The following PRTFDC1 variants were observed in gnomAD, a reference collection of about 807,000 sequenced individuals.
PRTFDC1 encodes the protein phosphoribosyl transferase domain containing 1.
Under a neutral mutation model 34.6 loss-of-function variants are expected in PRTFDC1, and 38 were observed. The observed-to-expected ratio is 1.10, with a 90% CI of 0.85 to 1.44. The LOEUF is 1.44. Among genes scored for constraint, PRTFDC1 ranks in the 40% most tolerant of loss-of-function variants. The pLI, the probability that PRTFDC1 is intolerant of heterozygous loss-of-function variation, is 0.00. For missense variants in PRTFDC1, 270 were observed against 283.0 expected (o/e 0.95, Z 0.33); for synonymous variants, 93 against 98.1 (o/e 0.95, Z 0.31).
intron 4 of PRTFDC1, among the ~76,000 whole-genome samples, chr10:24,862,153 T>TCA (rs1847689831): frequency 6.6e-6 from 1 of 152,144 alleles, no homozygotes; most frequent in Non-Finnish European, 1.5e-5. Flanking sequence ...ATTAAAGGTA[T>TCA]CATGAATTCT....
In PRTFDC1 at chr10:24,855,383, T is replaced by C; in HGVS notation, c.507-19A>G. 6.2e-7 allele frequency: 1 copy of C among 1,613,750 alleles called. No individual in the cohort carries two copies. On this transcript the variant is annotated intron_variant, in intron 6 of 8. Coordinates refer to ENST00000320152, the MANE Select transcript of PRTFDC1 (RefSeq NM_020200.7). The stretch of plus-strand genomic sequence containing the variant: ...CAACAAACTACCATTAAAAAAGACA[T>C]GCTTTAGTGAACCCAATCAAATCTC...
chr10:24,891,002 G>A (rs1003851523), intron 3 of PRTFDC1, among the ~76,000 whole-genome samples: 1 of 152,330 alleles, frequency 6.6e-6, no homozygotes, highest in East Asian at 1.9e-4. Context: ...GTGGATGCAA[G>A]GGAGGACCCA....
At chr10:24,895,014 C>G (rs2132544116) in intron 3 of PRTFDC1, among the ~76,000 whole-genome samples, 1 of 152,174 alleles carries the variant, frequency 6.6e-6, no homozygotes, top group South Asian at 2.1e-4. Context: ...GGCTTGGCTT[C>G]CCAGACAGGT....
chr10:24,894,348 AG>A (rs1255607814), intron 3 of PRTFDC1, among the ~76,000 whole-genome samples: 2,737 of 144,224 alleles, frequency 0.019, 73 homozygotes, highest in African/African-American at 0.069. Flanking sequence ...AAAAAAAAAA[AG>A]AGAGAGAAAA....
At chr10:24,911,964 G>T (rs1286861129) in intron 3 of PRTFDC1, among the ~76,000 whole-genome samples, 1 of 151,316 alleles carries the variant, frequency 6.6e-6, no homozygotes, top group Non-Finnish European at 1.5e-5. Context: ...GATAAGTGTG[G>T]GTTTACTTTA....
At chr10:24,878,133 C>T (rs1010218780) in intron 3 of PRTFDC1, among the ~76,000 whole-genome samples, 6 of 151,876 alleles carry the variant, frequency 4.0e-5, no homozygotes, top group Admixed American at 2.0e-4. Context: ...AGTAGCCTGG[C>T]GTGGTGGCGA....
intron 5 of PRTFDC1, among the ~76,000 whole-genome samples, chr10:24,857,322 C>A (rs1232867279): frequency 6.6e-6 from 1 of 152,110 alleles, no homozygotes; most frequent in African/African-American, 2.4e-5. Flanking sequence ...CTAAATTTGG[C>A]CCTGAGTTTA....
In PRTFDC1 at chr10:24,879,777, T is replaced by C. The variant is rs973861497; in HGVS notation, c.340-7714A>G. ...TTGCCTTTTATCAAATGGCAAGGAC[T>C]GCAATTACTTTTGCACCAACCTAAT... On this transcript the variant is annotated intron_variant, in intron 3 of 8. Transcript: ENST00000320152. 2.0e-5 allele frequency among the ~76,000 whole-genome samples: 3 copies of C among 152,354 alleles called. No homozygotes were observed. The South Asian group carries it at 6.2e-4, about 32-fold the overall frequency.
chr10:24,887,888 G>A (rs1377196973), intron 3 of PRTFDC1, among the ~76,000 whole-genome samples: 2 of 151,852 alleles, frequency 1.3e-5, no homozygotes, highest in Non-Finnish European at 2.9e-5. Context: ...CTTGTTCACT[G>A]CATATGCATC....
At chr10:24,905,768 A>T (rs1031061966) in intron 3 of PRTFDC1, among the ~76,000 whole-genome samples, 2 of 152,108 alleles carry the variant, frequency 1.3e-5, no homozygotes, top group African/African-American at 4.8e-5. Flanking sequence ...GTATTCCATC[A>T]GTTATCTATT....
intron 3 of PRTFDC1, among the ~76,000 whole-genome samples, chr10:24,875,860 T>G (rs993386971): frequency 2.7e-5 from 4 of 148,850 alleles, no homozygotes; most frequent in South Asian, 2.1e-4. Flanking sequence ...TTTTTTTTTT[T>G]TTTTTTTTTT....
At chr10:24,857,554 A>G (rs985335761) in intron 5 of PRTFDC1, among the ~76,000 whole-genome samples, 10 of 152,270 alleles carry the variant, frequency 6.6e-5, no homozygotes, top group Non-Finnish European at 1.0e-4. Flanking sequence ...GCACAATTAG[A>G]GGAGAATGGG....
chr10:24,873,207 A>G (rs1277510082), intron 3 of PRTFDC1, among the ~76,000 whole-genome samples: 1 of 152,140 alleles, frequency 6.6e-6, no homozygotes, highest in Non-Finnish European at 1.5e-5. Context: ...TATGTATGGT[A>G]TATTATCCTG....
At chr10:24,941,036 TTGTG>T (rs58812300) in intron 2 of PRTFDC1, among the ~76,000 whole-genome samples, 30,282 of 149,968 alleles carry the variant, frequency 0.2, 3,394 homozygotes, top group African/African-American at 0.3. Context: ...TAAATTAATC[TTGTG>T]TGTGTGTGTG....
At chr10:24,870,340 T>C (rs889586496) in intron 4 of PRTFDC1, among the ~76,000 whole-genome samples, 1 of 152,162 alleles carries the variant, frequency 6.6e-6, no homozygotes, top group Non-Finnish European at 1.5e-5. Context: ...ACTTCCGACC[T>C]CAAATGATCT....
chr10:24,880,849 TTCTTTC>T (rs1848063555), intron 3 of PRTFDC1, among the ~76,000 whole-genome samples: 1 of 149,730 alleles, frequency 6.7e-6, no homozygotes, highest in Non-Finnish European at 1.5e-5. Context: ...CTTTCTTTCT[TTCTTTC>T]TTTCTTTCTT....
intron 3 of PRTFDC1, among the ~76,000 whole-genome samples, chr10:24,898,417 T>C (rs1453167118): frequency 1.3e-5 from 2 of 149,130 alleles, no homozygotes; most frequent in African/African-American, 5.0e-5. Context: ...TGAGCCATGA[T>C]TGTGCCACTG....
chr10:24,899,413 G>A (rs1289896492), intron 3 of PRTFDC1, among the ~76,000 whole-genome samples: 1 of 152,148 alleles, frequency 6.6e-6, no homozygotes. Flanking sequence ...GAGATCAACT[G>A]GATTGGGGTT....
At chr10:24,871,976 G>T in intron 4 of PRTFDC1, 22 bp downstream of exon 4, 1 of 1,591,400 alleles carries the variant, frequency 6.3e-7, no homozygotes, top group South Asian at 1.1e-5. Context: ...AATGCGGTCT[G>T]AGCACAGTTA....
Sources: gnomAD v4.1 joint callset for allele counts (sites outside exome capture counted in the v4.1 genomes callset) on GRCh38, gnomAD v4.1.1 for gene constraint, MANE v1.5 for transcripts, NCBI Gene and HGNC (gene_info 2026-07-23, HGNC 2026-07-21) for gene names.